MEGF11: variants seen among roughly 807,000 people sequenced by gnomAD.
The protein encoded by MEGF11 is multiple epidermal growth factor-like domains protein 11.
In MEGF11, 126 loss-of-function variants were observed where a neutral mutation model predicts 146.6. That is an observed-to-expected ratio of 0.86 (90% CI 0.74 to 1.00). The LOEUF (loss-of-function observed/expected upper bound fraction) is 1.00. Among genes scored for constraint, MEGF11 ranks in the 50% least tolerant of loss-of-function variants. The pLI, the probability that MEGF11 is intolerant of heterozygous loss-of-function variation, is 0.00. For synonymous variants in MEGF11, 532 were observed against 583.4 expected, an observed-to-expected ratio of 0.91 and a Z score of 1.27; for missense variants, 1,509 against 1,521.2, an observed-to-expected ratio of 0.99 and a Z score of 0.13.
intron 1 of MEGF11, among the ~76,000 whole-genome samples, chr15:66,137,149 A>G (rs1261764428): frequency 6.6e-6 from 1 of 152,266 alleles, no homozygotes; most frequent in Admixed American, 6.5e-5. Context: ...CAATCATTAA[A>G]AATATTGATG....
chr15:65,912,938 A>G (rs192222898), intron 20 of MEGF11, among the ~76,000 whole-genome samples: 30 of 152,302 alleles, frequency 2.0e-4, no homozygotes, highest in African/African-American at 7.2e-4. Context: ...CCATGGAGCT[A>G]CCTGGAGAGA....
chr15:66,152,165 G>A (rs1346579700), intron 1 of MEGF11, among the ~76,000 whole-genome samples: 1 of 152,018 alleles, frequency 6.6e-6, no homozygotes. Flanking sequence ...CAGGAAACAT[G>A]GGCCTGTCAC....
Position 65,922,882 on chromosome 15 carries a change from G to A in MEGF11, c.1763C>T (p.Ser588Phe). The change falls in exon 14 of 26, where the codon TCC becomes TTC. Residue 588 changes from serine (S) to phenylalanine (F), a missense_variant. By Grantham distance (155) the Ser-to-Phe change is radical (BLOSUM62 -2). Transcript: ENST00000395614. ...ACACTCGCAGCTCCCATCCTCTGGGGAGCAGGAGCCTCCATTCTCACAGCT... is the reference window on the plus strand; with the variant it reads ...ACACTCGCAGCTCCCATCCTCTGGGAAGCAGGAGCCTCCATTCTCACAGCT... ...SCSCENGGSC[S>F]PEDGSCECAP... 9 of 1,613,284 alleles carry A rather than the reference G, an allele frequency of 5.6e-6. No homozygotes were observed. The highest frequency in any genetic ancestry group is 6.8e-6 in the Non-Finnish European group (8 of 1,179,736).
chr15:66,053,714 AATTTTTTTTTTTT>A (rs1249236565), intron 5 of MEGF11, among the ~76,000 whole-genome samples: 17 of 42,286 alleles, frequency 4.0e-4, no homozygotes, highest in East Asian at 1.7e-3. Context: ...CCCTGGCACC[AATTTTTTTTTTTT>A]TTTTTTTTTT....
At chr15:66,186,167 A>G (rs1019459077) in intron 1 of MEGF11, among the ~76,000 whole-genome samples, 47 of 152,170 alleles carry the variant, frequency 3.1e-4, no homozygotes, top group African/African-American at 1.1e-3. Context: ...CTATCACTTT[A>G]GATGTCACTG....
chr15:66,001,211 T>A (rs190372651), intron 5 of MEGF11, among the ~76,000 whole-genome samples: 4 of 152,224 alleles, frequency 2.6e-5, no homozygotes, highest in Non-Finnish European at 5.9e-5. Flanking sequence ...CTGGGAAGGC[T>A]GGAGTCCCCC....
intron 5 of MEGF11, among the ~76,000 whole-genome samples, chr15:66,060,050 C>A (rs2084838500): frequency 6.6e-6 from 1 of 151,652 alleles, no homozygotes; most frequent in African/African-American, 2.4e-5. Context: ...AGGCGGGGAA[C>A]CAAGGGACAA....
intron 1 of MEGF11, among the ~76,000 whole-genome samples, chr15:66,213,680 G>A (rs1285594347): frequency 6.6e-6 from 1 of 151,142 alleles, no homozygotes; most frequent in Non-Finnish European, 1.5e-5. Context: ...GCATCCCAAA[G>A]CACTGAGATT....
At chr15:66,049,587 A>G (rs333608) in intron 5 of MEGF11, among the ~76,000 whole-genome samples, 125,647 of 152,128 alleles carry the variant, frequency 0.83, 53,906 homozygotes, top group East Asian at 0.94. Flanking sequence ...TACAGGGTAT[A>G]GGTCGAGCTG....
chr15:65,996,942 T>C (rs1288269782), intron 5 of MEGF11, among the ~76,000 whole-genome samples: 1 of 152,158 alleles, frequency 6.6e-6, no homozygotes, highest in African/African-American at 2.4e-5. Flanking sequence ...CACCCAGCAT[T>C]CTCCATGGCG....
chr15:65,953,107 T>G (rs1037212051), intron 10 of MEGF11, among the ~76,000 whole-genome samples: 1 of 152,162 alleles, frequency 6.6e-6, no homozygotes, highest in African/African-American at 2.4e-5. Flanking sequence ...CCCAACACCC[T>G]CCTACTGGTA....
chr15:65,977,810 C>T (rs1036737697), intron 7 of MEGF11, among the ~76,000 whole-genome samples: 2 of 152,090 alleles, frequency 1.3e-5, no homozygotes, highest in African/African-American at 4.8e-5. Context: ...CATCCAGTCC[C>T]CAACGTAAGA....
chr15:66,228,634 C>A (rs899871032), intron 1 of MEGF11, among the ~76,000 whole-genome samples: 15 of 152,188 alleles, frequency 9.9e-5, no homozygotes, highest in African/African-American at 3.1e-4. Flanking sequence ...ACGACAGAAC[C>A]ATCTCCTACC....
intron 12 of MEGF11, among the ~76,000 whole-genome samples, chr15:65,929,267 T>C (rs1245826562): frequency 6.6e-6 from 1 of 152,192 alleles, no homozygotes; most frequent in Non-Finnish European, 1.5e-5. Context: ...TGGGTGGTTA[T>C]TATTGAACAG....
At chr15:66,223,613 C>T (rs2091784359) in intron 1 of MEGF11, among the ~76,000 whole-genome samples, 1 of 152,148 alleles carries the variant, frequency 6.6e-6, no homozygotes, top group Admixed American at 6.5e-5. Context: ...ATCCCAGCTA[C>T]TCGGGAGGCT....
At chr15:66,012,398 G>C (rs916766447) in intron 5 of MEGF11, among the ~76,000 whole-genome samples, 1 of 152,158 alleles carries the variant, frequency 6.6e-6, no homozygotes, top group South Asian at 2.1e-4. Flanking sequence ...CTTGTGGTGT[G>C]GGGGAGTCTG....
rs191536484 is a variant in MEGF11, at chr15:66,175,922, C to T, written c.-8-47511G>A. On this transcript the variant is annotated intron_variant, in intron 1 of 25. Coordinates refer to ENST00000395614, the MANE Select transcript of MEGF11 (RefSeq NM_001385028.1). ...AAACATTTGCAAAATATTCATGGGA[C>T]AAGGGACTAATATCCAGAATATATA... 1.8e-4 allele frequency among the ~76,000 whole-genome samples: 27 copies of T among 152,190 alleles called. No individual in the cohort carries two copies. In the East Asian group the frequency reaches 5.0e-3, roughly 28 times the overall value.
chr15:66,135,542 C>A (rs1314621202), intron 1 of MEGF11, among the ~76,000 whole-genome samples: 1 of 152,254 alleles, frequency 6.6e-6, no homozygotes. Flanking sequence ...CCCCTCCCTG[C>A]AGGAAGAGGC....
chr15:66,208,086 G>GAAA (rs758591227), intron 1 of MEGF11, among the ~76,000 whole-genome samples: 86 of 94,366 alleles, frequency 9.1e-4, no homozygotes, highest in African/African-American at 2.6e-3. Flanking sequence ...CTGTGCCTCA[G>GAAA]AAAAAAAAAA....
Sources: allele counts gnomAD v4.1 joint callset (sites outside exome capture counted in the v4.1 genomes callset), GRCh38; gene constraint gnomAD v4.1.1; transcripts MANE v1.5; gene names NCBI Gene and HGNC (gene_info 2026-07-23, HGNC 2026-07-21).